TEX30: variants seen among roughly 807,000 people sequenced by gnomAD.
TEX30 encodes the protein testis expressed 30.
TEX30 carries 14 observed loss-of-function variants against 23.8 expected under a neutral mutation model. The observed-to-expected ratio is 0.59, with a 90% CI of 0.39 to 0.92. The LOEUF is 0.92. Among genes scored for constraint, TEX30 ranks in the 40% least tolerant of loss-of-function variants. The pLI is 0.00. For missense variants in TEX30, 246 were observed against 270.6 expected (o/e 0.91, Z 0.64); for synonymous variants, 78 against 90.2 (o/e 0.87, Z 0.76).
intron 3 of TEX30, among the ~76,000 whole-genome samples, chr13:102,768,611 AAAGGCTTCCAACT>A (rs1320309859): frequency 1.3e-5 from 2 of 152,238 alleles, no homozygotes; most frequent in Non-Finnish European, 2.9e-5. Flanking sequence ...AAAGGCCAGC[AAAGGCTTCCAACT>A]AATACCAAAT....
Position 102,766,548 on chromosome 13 carries a change from T to A in TEX30, c.537A>T (p.Gln179His), listed in dbSNP as rs776457592. The A allele has an allele frequency of 1.9e-6, 3 of 1,613,466 alleles. No individual in the cohort carries two copies. The Admixed American group carries it at 5.0e-5, about 27-fold the overall frequency. ...CAATCCAGTGGATTTTATGGGGAGC[T>A]TGCATTTTCTGTGCCACTTTCTCCA... ...NLLEKVAQKM[Q>H]APHKIHWIEK... The change falls in exon 6 of 6, where the codon CAA (glutamine) becomes CAT (histidine). Residue 179 changes from glutamine to histidine, a missense_variant. Physicochemically the swap from Gln to His is conservative, Grantham distance 24. Coordinates refer to ENST00000376032, the MANE Select transcript of TEX30 (RefSeq NM_138779.5).
intron 3 of TEX30, 21 bp from the exon 4 acceptor site, chr13:102,768,332 T>TAAC: frequency 7.2e-7 from 1 of 1,394,462 alleles, no homozygotes; most frequent in Non-Finnish European, 9.9e-7. Flanking sequence ...AAAAAAATCA[T>TAAC]CAGTTCTTCA....
intron 5 of TEX30, among the ~76,000 whole-genome samples, chr13:102,766,916 T>G (rs765324821): frequency 2.0e-5 from 3 of 152,216 alleles, no homozygotes; most frequent in Non-Finnish European, 4.4e-5. Context: ...TATTTAGTAA[T>G]GTGTAGACAT....
chr13:102,768,367 G>T, intron 3 of TEX30, 56 bp from the exon 4 acceptor site: 2 of 1,255,352 alleles, frequency 1.6e-6, no homozygotes, highest in Non-Finnish European at 2.3e-6. Flanking sequence ...CACTGGAAAG[G>T]CAAGATATAT....
At chr13:102,772,636 C>T (rs542975547) in intron 1 of TEX30, among the ~76,000 whole-genome samples, 1 of 152,280 alleles carries the variant, frequency 6.6e-6, no homozygotes, top group African/African-American at 2.4e-5. Context: ...AGTGCAGCGG[C>T]GCGATCTCGG....
chr13:102,768,347 T>C (rs778921282), intron 3 of TEX30, 36 bp from the exon 4 acceptor site: 25 of 1,474,542 alleles, frequency 1.7e-5, no homozygotes, highest in Admixed American at 4.1e-5. Flanking sequence ...TCTTCACCTA[T>C]AAAATATTCC....
chr13:102,771,401 G>A (rs1390851743), intron 1 of TEX30, among the ~76,000 whole-genome samples: 1 of 152,114 alleles, frequency 6.6e-6, no homozygotes, highest in Non-Finnish European at 1.5e-5. Context: ...TTTTTGAATA[G>A]GTATCGTGTG....
At position 102,769,327 on chromosome 13, in the gene TEX30, G is replaced by A. The variant is rs753035381; in HGVS notation, c.230C>T (p.Ala77Val). Residue 77 changes from alanine to valine, a missense_variant, in exon 3 of 6, where the codon GCG becomes GTG. Ala to Val is a moderately conservative substitution (Grantham distance 64). Transcript: ENST00000376032. ...KGLNIVHRIK[A>V]YKSVLNYLKT... ...TTTTCTTACCAAAACTGATTTATAC[G>A]CCTTAATTCTATGTACAATATTAAG... The A allele has an allele frequency of 1.1e-4, 174 of 1,524,428 alleles. No homozygotes were observed. The highest frequency in any genetic ancestry group is 1.5e-4 in the Non-Finnish European group (170 of 1,143,474). The allele number at this position is 1,524,428 out of a possible 1,614,324, so 94.4% of individuals were successfully genotyped here. A position where few individuals can be genotyped will look rare whatever the true frequency, so the allele number is the denominator to read the frequency against.
chr13:102,767,486 C>T lies in TEX30; in HGVS notation c.299-8G>A, dbSNP rs1876987419. 1 of 1,612,826 alleles carries T rather than the reference C, an allele frequency of 6.2e-7. No homozygotes were observed. The highest frequency in any genetic ancestry group is 8.5e-7 in the Non-Finnish European group (1 of 1,179,396). On this transcript the variant is annotated splice_region_variant and splice_polypyrimidine_tract_variant and intron_variant, in intron 4 of 5. Transcript: ENST00000376032. ...TTGAGCCCATTGAACGACCTAAAAT[C>T]AATTAAAATTAAGTTCAGTTTGAAA...
Position 102,766,443 on chromosome 13 carries a change from A to G in TEX30, c.642T>C (p.Phe214=). ...CCATTTCAGTAATTTCTTGGATCCAAAACAAAATCTGTGTATTTATTTCTT... is the reference window on the plus strand; with the variant it reads ...CCATTTCAGTAATTTCTTGGATCCAGAACAAAATCTGTGTATTTATTTCTT... ...VFKEINTQIL[F]WIQEITEMDK... The change falls in exon 6 of 6, where the codon TTT becomes TTC. Residue 214 remains phenylalanine, a synonymous_variant. Coordinates refer to ENST00000376032, the MANE Select transcript of TEX30 (RefSeq NM_138779.5). The G allele has an allele frequency of 1.9e-6, 3 of 1,613,912 alleles. No individual in the cohort carries two copies. Among genetic ancestry groups the G allele is most frequent in the Non-Finnish European group, 2.5e-6 (3 of 1,179,910 alleles).
At chr13:102,767,166 T>A in intron 5 of TEX30, 107 bp downstream of exon 5, 1 of 1,169,496 alleles carries the variant, frequency 8.6e-7, no homozygotes. Flanking sequence ...CTAGCATTAG[T>A]CAAATTAGCA....
In TEX30 at chr13:102,766,392, G is replaced by A. The variant is rs768950923; in HGVS notation, c.*9C>T. ...ACTGTATGTGTACTCAAGATAACAT[G>A]GCTTTTAACTAATGACATTTCTTGT... On this transcript the variant is annotated 3_prime_UTR_variant, in exon 6 of 6. Transcript: ENST00000376032. 8.7e-6 allele frequency: 14 copies of A among 1,609,912 alleles called. No homozygotes were observed. Among genetic ancestry groups the A allele is most frequent in the South Asian group, 3.3e-5 (3 of 90,706 alleles).
chr13:102,772,625 G>C lies in TEX30; in HGVS notation c.-61+1057C>G, dbSNP rs560549132. Among the ~76,000 whole-genome samples the C allele has an allele frequency of 2.0e-5, 3 of 152,304 alleles. No homozygotes were observed. In the South Asian group the frequency reaches 6.2e-4, roughly 32 times the overall value. ...GAGTCTTGCTCTGTCCCCCAGGCAG[G>C]AGTGCAGCGGCGCGATCTCGGCTCA... On this transcript the variant is annotated intron_variant, in intron 1 of 5. Transcript: ENST00000376032.
intron 1 of TEX30, chr13:102,770,907 T>C (rs1430789562): frequency 6.6e-6 from 1 of 152,260 alleles, no homozygotes; most frequent in Non-Finnish European, 1.5e-5. Flanking sequence ...GCTCTTGTAT[T>C]GTTTAAGACA....
At chr13:102,769,966 C>CA in intron 2 of TEX30, 46 bp downstream of exon 2, 21 of 1,400,546 alleles carry the variant, frequency 1.5e-5, no homozygotes, top group Non-Finnish European at 1.8e-5. Context: ...TACAAACAAA[C>CA]AAAAAACCAG....
chr13:102,772,881 TC>T (rs1877422262), intron 1 of TEX30, among the ~76,000 whole-genome samples: 1 of 152,250 alleles, frequency 6.6e-6, no homozygotes, highest in Admixed American at 6.5e-5. Flanking sequence ...GTCTGGGTTT[TC>T]ATCTCTGGCT....
At chr13:102,767,591 A>G (rs113169936) in intron 4 of TEX30, 113 bp from the exon 5 acceptor site, 16 of 1,127,558 alleles carry the variant, frequency 1.4e-5, no homozygotes, top group African/African-American at 1.4e-4. Context: ...TTACCAACAA[A>G]TTAACTCCAA....
chr13:102,769,588 T>C, intron 2 of TEX30, 47 bp from the exon 3 acceptor site: 1 of 1,164,662 alleles, frequency 8.6e-7, no homozygotes, highest in African/African-American at 1.6e-5. Context: ...TTCTTGCCTA[T>C]TAAGACAACT....
intron 1 of TEX30, among the ~76,000 whole-genome samples, chr13:102,773,058 C>G (rs1379509315): frequency 6.6e-6 from 1 of 152,234 alleles, no homozygotes; most frequent in Non-Finnish European, 1.5e-5. Flanking sequence ...TCTAGGACGA[C>G]AACTACTCAC....
Sources: gnomAD v4.1 joint callset for allele counts (sites outside exome capture counted in the v4.1 genomes callset) on GRCh38, gnomAD v4.1.1 for gene constraint, MANE v1.5 for transcripts, NCBI Gene and HGNC (gene_info 2026-07-23, HGNC 2026-07-21) for gene names.